The following LIPC variants were observed in gnomAD, a reference collection of about 807,000 sequenced individuals.
The protein encoded by LIPC is hepatic triacylglycerol lipase.
In LIPC, 44 loss-of-function variants were observed where a neutral mutation model predicts 50.7. The ratio of observed to expected loss-of-function variants is 0.87; its 90% CI spans 0.68 to 1.11. LIPC has a LOEUF of 1.11. Among genes scored for constraint, LIPC ranks in the 50% most tolerant of loss-of-function variants. The probability of loss-of-function intolerance (pLI) is 0.00; values close to 1 mark genes in which losing one functional copy is unlikely to be tolerated. For synonymous variants in LIPC, 271 were observed against 256.4 expected (o/e 1.06, Z -0.54); for missense variants, 697 against 648.2 (o/e 1.08, Z -0.82).
At chr15:58,491,599 C>T (rs1336116217) in intron 1 of LIPC, among the ~76,000 whole-genome samples, 1 of 152,194 alleles carries the variant, frequency 6.6e-6, no homozygotes, top group Non-Finnish European at 1.5e-5. Flanking sequence ...ATATCTCTGC[C>T]AAATACTGGT....
intron 1 of LIPC, among the ~76,000 whole-genome samples, chr15:58,516,032 C>A (rs1162901474): frequency 1.3e-5 from 2 of 152,112 alleles, no homozygotes; most frequent in Admixed American, 1.3e-4. Context: ...CTTGCTGACA[C>A]CTGGCTAGGC....
intron 1 of LIPC, among the ~76,000 whole-genome samples, chr15:58,445,142 T>G (rs473224): frequency 0.87 from 131,763 of 152,238 alleles, 57,077 homozygotes; most frequent in East Asian, 0.97. Flanking sequence ...AGAGGCATCC[T>G]CCCTCTTCAA....
intron 4 of LIPC, among the ~76,000 whole-genome samples, chr15:58,544,770 C>T (rs545349129): frequency 6.6e-5 from 10 of 152,254 alleles, no homozygotes; most frequent in South Asian, 2.1e-4. Context: ...TCAATTCCTT[C>T]GCCCCCCAAG....
intron 3 of LIPC, among the ~76,000 whole-genome samples, chr15:58,542,278 G>A (rs190614905): frequency 1.1e-3 from 174 of 152,268 alleles, no homozygotes; most frequent in African/African-American, 3.9e-3. Flanking sequence ...CAAATGAGTG[G>A]GATCACTTCT....
intron 1 of LIPC, chr15:58,497,630 A>G (rs1357307765): frequency 6.6e-6 from 1 of 152,214 alleles, no homozygotes; most frequent in African/African-American, 2.4e-5. Flanking sequence ...CACCTCTCCA[A>G]AGCCCTCTGG....
chr15:58,471,454 T>C (rs1247330191), intron 1 of LIPC, among the ~76,000 whole-genome samples: 1 of 151,914 alleles, frequency 6.6e-6, no homozygotes, highest in African/African-American at 2.4e-5. Flanking sequence ...AGCTGATAAG[T>C]AGCTTTAAAC....
chr15:58,515,533 C>CATATATATATATATATATAT (rs1555403164), intron 1 of LIPC, among the ~76,000 whole-genome samples: 3 of 141,730 alleles, frequency 2.1e-5, no homozygotes, highest in African/African-American at 8.1e-5. Context: ...TATACACACA[C>CATATATATATATATATATAT]ATATATATAT....
chr15:58,432,358 G>A, intron 1 of LIPC: 1 of 563,332 alleles, frequency 1.8e-6, no homozygotes, highest in East Asian at 3.1e-5. Context: ...AGCTAGCAGT[G>A]AAGTCTCTTG....
At chr15:58,459,187 G>A (rs1233318107) in intron 1 of LIPC, among the ~76,000 whole-genome samples, 2 of 152,252 alleles carry the variant, frequency 1.3e-5, no homozygotes, top group East Asian at 1.9e-4. Context: ...ACATCAGGAG[G>A]AGATGGCCTC....
At chr15:58,555,311 G>GTCCACAAAGGAGATAGCCATA (rs1893899736) in intron 6 of LIPC, among the ~76,000 whole-genome samples, 2 of 152,164 alleles carry the variant, frequency 1.3e-5, no homozygotes, top group South Asian at 4.1e-4. Context: ...ACAGGAGAGC[G>GTCCACAAAGGAGATAGCCATA]TCCTTTGTGG....
intron 1 of LIPC, among the ~76,000 whole-genome samples, chr15:58,535,817 G>T (rs540966125): frequency 1.8e-4 from 27 of 152,242 alleles, no homozygotes; most frequent in African/African-American, 6.5e-4. Flanking sequence ...ATTTTCATAT[G>T]ACCCTCTTAA....
At chr15:58,436,847 G>C in intron 1 of LIPC, 1 of 456,270 alleles carries the variant, frequency 2.2e-6, no homozygotes, top group Non-Finnish European at 4.4e-6. Context: ...TTGTACAATA[G>C]CAGAGGTACA....
chr15:58,471,328 T>C (rs867914642), intron 1 of LIPC, among the ~76,000 whole-genome samples: 2 of 114,236 alleles, frequency 1.8e-5, no homozygotes, highest in Admixed American at 1.8e-4. Context: ...TTAGTAGAGA[T>C]GGGGGGGGGT....
chr15:58,505,543 A>G (rs1311869432), intron 1 of LIPC, among the ~76,000 whole-genome samples: 1 of 152,194 alleles, frequency 6.6e-6, no homozygotes, highest in Non-Finnish European at 1.5e-5. Context: ...ACATTTCATG[A>G]GTATGAAGAT....
At chr15:58,545,348 C>G (rs922338510) in intron 4 of LIPC, among the ~76,000 whole-genome samples, 21 of 152,314 alleles carry the variant, frequency 1.4e-4, no homozygotes, top group African/African-American at 4.3e-4. Context: ...AAGCAACCCT[C>G]CTGCCACAGC....
At chr15:58,532,763 G>T (rs1270777722) in intron 1 of LIPC, among the ~76,000 whole-genome samples, 1 of 152,134 alleles carries the variant, frequency 6.6e-6, no homozygotes, top group Non-Finnish European at 1.5e-5. Flanking sequence ...CCCATGGAAG[G>T]TGCCCCACCT....
At chr15:58,568,511 C>T (rs1353504170) in intron 8 of LIPC, among the ~76,000 whole-genome samples, 7 of 152,072 alleles carry the variant, frequency 4.6e-5, no homozygotes, top group Non-Finnish European at 7.4e-5. Flanking sequence ...TGTAGAACTC[C>T]AGGAAGTCTT....
At chr15:58,435,755 C>T (rs1182925208) in intron 1 of LIPC, 1 of 152,148 alleles carries the variant, frequency 6.6e-6, no homozygotes, top group Non-Finnish European at 1.5e-5. Context: ...ACTAAAAATA[C>T]AAAACATTAG....
rs113954174 is a variant in LIPC, at chr15:58,566,230, C to T, written c.1389-2486C>T. The T allele has an allele frequency of 4.4e-4, 436 of 985,400 alleles. 4 individuals are homozygous for T. The African/African-American group carries it at 5.4e-3, about 12-fold the overall frequency. The allele number at this position is 985,400 out of a possible 1,614,324, so 61.0% of individuals were successfully genotyped here. ...GAAGTGTAAGAAGAAAGTTCAGACC[C>T]GTACACTTGGGGCTGTGCTGCAACA... On this transcript the variant is annotated intron_variant, in intron 8 of 8. Transcript: ENST00000299022.
Sources: gnomAD v4.1 joint callset for allele counts (sites outside exome capture counted in the v4.1 genomes callset) on GRCh38, gnomAD v4.1.1 for gene constraint, MANE v1.5 for transcripts, NCBI Gene and HGNC (gene_info 2026-07-23, HGNC 2026-07-21) for gene names.